The following ATR variants were observed in gnomAD, a reference collection of about 807,000 sequenced individuals.
ATR encodes the protein ATR checkpoint kinase.
In ATR, 142 loss-of-function variants were observed where a neutral mutation model predicts 305.3. The ratio of observed to expected loss-of-function variants is 0.47; its 90% confidence interval spans 0.41 to 0.53. The LOEUF (loss-of-function observed/expected upper bound fraction) is 0.53. Ranked by LOEUF, ATR falls within the 20% of genes least tolerant of loss-of-function variation. ATR has a pLI of 0.00. For synonymous variants in ATR, 1,050 were observed against 1,068.1 expected (o/e 0.98, Z 0.33); for missense variants, 2,135 against 3,133.1 (o/e 0.68, Z 7.60).
rs1370190650 is a variant in ATR at position 142,493,138 on chromosome 3, T to C, written c.6072A>G (p.Lys2024=). The change falls in exon 35 of 47, where the codon AAA becomes AAG. Residue 2024 remains lysine, a synonymous_variant. Transcript: ENST00000350721. ...ANFESNAIMK[K]YKDVTACLPE... The stretch of plus-strand genomic sequence containing the variant: ...GCATTATACATATACTTGCCTTATA[T>C]TTTTTCATAATTGCATTGCTTTCAA... The C allele has an allele frequency of 1.2e-6, 2 of 1,613,468 alleles. No homozygotes were observed. The highest frequency in any genetic ancestry group is 4.5e-5 in the East Asian group (2 of 44,848).
At chr3:142,505,650 T>A (rs756523704) in intron 28 of ATR, among the ~76,000 whole-genome samples, 12 of 152,222 alleles carry the variant, frequency 7.9e-5, no homozygotes, top group Non-Finnish European at 1.8e-4. Flanking sequence ...TTTTAAATTT[T>A]TAAAAATGTA....
In ATR at chr3:142,485,324, C is replaced by T. The variant is rs180946780; in HGVS notation, c.6079-42G>A. 235 of 1,607,000 alleles carry T rather than the reference C, an allele frequency of 1.5e-4. 1 individual carries two copies. The East Asian group carries it at 2.1e-3, about 14-fold the overall frequency. On this transcript the variant is annotated intron_variant, in intron 35 of 46. Transcript: ENST00000350721. Reference sequence around the variant, plus strand: ...AGGATACCTACCTAAGGAAATCCCACGCTATGCTGGGAAGTAAAATATGAA... The same window carrying T: ...AGGATACCTACCTAAGGAAATCCCATGCTATGCTGGGAAGTAAAATATGAA...
rs140852499 is a variant in ATR at position 142,470,982 on chromosome 3, C to T, written c.6222-799G>A. On this transcript the variant is annotated intron_variant, in intron 36 of 46. Coordinates refer to ENST00000350721, the MANE Select transcript of ATR (RefSeq NM_001184.4). ...CACAACCATTTTTAAGTGTACAGTT[C>T]AGTGTTATATTAATATGGTTGTACA... 4.1e-4 allele frequency among the ~76,000 whole-genome samples: 63 copies of T among 152,200 alleles called. 1 individual carries two copies. In the East Asian group the frequency reaches 9.3e-3, roughly 22 times the overall value.
chr3:142,470,233 A>T (rs1219865500), intron 36 of ATR, 50 bp from the exon 37 acceptor site: 1 of 1,384,166 alleles, frequency 7.2e-7, no homozygotes. Context: ...TCATTTTTAT[A>T]TTATACGAAT....
chr3:142,551,002 G>T (rs2034451892), intron 13 of ATR, among the ~76,000 whole-genome samples: 1 of 152,144 alleles, frequency 6.6e-6, no homozygotes, highest in Non-Finnish European at 1.5e-5. Flanking sequence ...AGCAAGGCTG[G>T]TCTCAAACTC....
Position 142,547,793 on chromosome 3 carries a change from G to A in ATR, c.3289C>T (p.Leu1097Phe), listed in dbSNP as rs2108451134. 4 of 1,613,922 alleles carry A rather than the reference G, an allele frequency of 2.5e-6. No homozygotes were observed. Among genetic ancestry groups the A allele is most frequent in the Non-Finnish European group, 3.4e-6 (4 of 1,179,892 alleles). The change falls in exon 16 of 47, where the codon CTT (leucine) becomes TTT (phenylalanine). Residue 1097 changes from leucine (L) to phenylalanine (F), a missense_variant. By Grantham distance (22) the Leu-to-Phe change is conservative (BLOSUM62 0). Around this residue, in one of 9 missense-constraint regions of ATR, gnomAD observed 530 missense variants for 766.8 expected, o/e 0.69. Transcript: ENST00000350721. ...TCATCACTGGATGCAAATGAGGCAA[G>A]TATTGACAAACCATTAAAAACCTGT... is the stretch of plus-strand genomic sequence containing the variant. ...YQQVFNGLSI[L>F]ASFASSDDPY...
rs2108493962 is a variant in ATR at position 142,566,143 on chromosome 3, A to G, written c.270T>C (p.His90=). 1 of 1,614,200 alleles carries G rather than the reference A, an allele frequency of 6.2e-7. No individual in the cohort carries two copies. The highest frequency in any genetic ancestry group is 1.1e-5 in the South Asian group (1 of 91,088). ...PLMFVNVSGS[H]EAKGSCIEFS... Reference sequence around the variant, plus strand: ...TACCAATACAACTGCCTTTGGCCTCATGGCTTCCACTCACATTTACAAACA... The same window carrying G: ...TACCAATACAACTGCCTTTGGCCTCGTGGCTTCCACTCACATTTACAAACA... Residue 90 remains histidine (H), a synonymous_variant, in exon 3 of 47, where the codon CAT becomes CAC. Transcript: ENST00000350721.
In ATR at chr3:142,503,372, G is replaced by A. The variant is rs1397970951; in HGVS notation, c.5278C>T (p.His1760Tyr). Residue 1760 changes from histidine (H) to tyrosine (Y), a missense_variant, in exon 30 of 47, where the codon CAT becomes TAT. Transcript: ENST00000350721. ...STVITQVNGV[H>Y]ANRSEWTDEL... Reference sequence around the variant, plus strand: ...TTTATAAAATATTACCTGTTAGCATGCACTCCATTCACCTGAGTGATAACA... The same window carrying A: ...TTTATAAAATATTACCTGTTAGCATACACTCCATTCACCTGAGTGATAACA... 1 of 1,601,328 alleles carries A rather than the reference G, an allele frequency of 6.2e-7. No individual in the cohort carries two copies. Among genetic ancestry groups the A allele is most frequent in the East Asian group, 2.2e-5 (1 of 44,780 alleles).
At position 142,470,091 on chromosome 3, in the gene ATR, T is replaced by C; in HGVS notation, c.6314A>G (p.Glu2105Gly). ...TTTTACGTGAAGAGTTATACCTTTT[T>C]CCCATTCATATGCCTTTGTACCATA... ...LDYGTKAYEW[E>G]KAGRSDRVQM... Residue 2105 changes from glutamate (E) to glycine (G), a missense_variant, in exon 37 of 47, where the codon GAA (glutamate) becomes GGA (glycine). Around this residue, in one of 9 missense-constraint regions of ATR, gnomAD observed 462 missense variants for 887.6 expected, o/e 0.52. Coordinates refer to ENST00000350721, the MANE Select transcript of ATR (RefSeq NM_001184.4). 1.2e-6 allele frequency: 2 copies of C among 1,602,624 alleles called. No individual in the cohort carries two copies. The highest frequency in any genetic ancestry group is 1.7e-6 in the Non-Finnish European group (2 of 1,170,786).
chr3:142,542,606 G>T, intron 17 of ATR, 59 bp downstream of exon 17: 1 of 1,414,876 alleles, frequency 7.1e-7, no homozygotes, highest in South Asian at 1.2e-5. Flanking sequence ...GCTAGATGCA[G>T]AATTTATCTA....
chr3:142,550,158 A>G lies in ATR; in HGVS notation c.2950T>C (p.Phe984Leu). 6.2e-7 allele frequency: 1 copy of G among 1,614,200 alleles called. No individual in the cohort carries two copies. Among genetic ancestry groups the G allele is most frequent in the Non-Finnish European group, 8.5e-7 (1 of 1,180,034 alleles). The part of the protein sequence containing the change: ...TLSEIANVFD[F>L]PDLNRFLTRT... ...GTAAGAAAACGATTAAGATCAGGAA[A>G]GTCGAAAACGTTGGCAATTTCAGAC... Residue 984 changes from phenylalanine (F) to leucine (L), a missense_variant, in exon 14 of 47, where the codon TTT becomes CTT. This residue lies in a region of ATR where 530 missense variants were observed against 766.8 expected (regional missense o/e 0.69). Coordinates refer to ENST00000350721, the MANE Select transcript of ATR (RefSeq NM_001184.4).
chr3:142,496,940 A>T, intron 33 of ATR, 73 bp downstream of exon 33: 1 of 1,489,240 alleles, frequency 6.7e-7, no homozygotes, highest in Non-Finnish European at 9.2e-7. Flanking sequence ...TAAGAAATAC[A>T]AACACCCCCA....
At chr3:142,498,344 T>C (rs1300279436) in intron 32 of ATR, among the ~76,000 whole-genome samples, 1 of 152,208 alleles carries the variant, frequency 6.6e-6, no homozygotes. Context: ...AAGCAAACTA[T>C]GACATTACAA....
chr3:142,482,956 A>C (rs187035237), intron 36 of ATR, among the ~76,000 whole-genome samples: 16 of 149,116 alleles, frequency 1.1e-4, no homozygotes, highest in African/African-American at 3.2e-4. Context: ...CACAGCCCTC[A>C]GGAGATCCTG....
At chr3:142,452,388 A>G (rs1367910576) in intron 46 of ATR, 7 of 986,838 alleles carry the variant, frequency 7.1e-6, no homozygotes, top group African/African-American at 1.7e-5. Flanking sequence ...AAAAACAACT[A>G]TCTGAGCTAG....
intron 10 of ATR, among the ~76,000 whole-genome samples, chr3:142,555,499 T>C (rs1410239268): frequency 2.0e-5 from 3 of 152,116 alleles, no homozygotes; most frequent in South Asian, 4.2e-4. Flanking sequence ...TAGTCCTCAG[T>C]TGGGCAAAGT....
At chr3:142,475,782 T>C (rs1158534032) in intron 36 of ATR, among the ~76,000 whole-genome samples, 1 of 152,196 alleles carries the variant, frequency 6.6e-6, no homozygotes, top group Non-Finnish European at 1.5e-5. Context: ...TTTTTAATGA[T>C]CGCCATTCTA....
At chr3:142,550,092 T>C (rs2034419019) in intron 14 of ATR, 40 bp downstream of exon 14, 3 of 1,607,012 alleles carry the variant, frequency 1.9e-6, no homozygotes, top group East Asian at 2.2e-5. Context: ...AACAAAATAC[T>C]GAATTGCAAA....
At chr3:142,577,582 T>A (rs1214081777) in intron 1 of ATR, among the ~76,000 whole-genome samples, 3 of 152,250 alleles carry the variant, frequency 2.0e-5, no homozygotes, top group Admixed American at 1.3e-4. Context: ...ATTCATATAT[T>A]GAGACTAGAT....
Sources: gnomAD v4.1 joint callset for allele counts (sites outside exome capture counted in the v4.1 genomes callset) on GRCh38, gnomAD v4.1.1 for gene constraint, gnomAD v4.1.1 regional missense constraint, MANE v1.5 for transcripts, NCBI Gene and HGNC (gene_info 2026-07-23, HGNC 2026-07-21) for gene names.